Variants in SDF2 observed in about 807,000 individuals in gnomAD.
The protein encoded by SDF2 is stromal cell derived factor 2.
In SDF2, 12 loss-of-function variants were observed where a neutral mutation model predicts 20.5. The observed-to-expected ratio is 0.58, with a 90% CI of 0.37 to 0.95. SDF2 has a LOEUF of 0.95. SDF2 is among the 40% of genes least tolerant of loss of function. SDF2 has a pLI of 0.01. For missense variants in SDF2, 238 were observed against 263.1 expected, an observed-to-expected ratio of 0.90 and a Z score of 0.66; for synonymous variants, 100 against 101.0, an observed-to-expected ratio of 0.99 and a Z score of 0.06.
intron 1 of SDF2, chr17:28,655,846 G>A (rs1408179773): frequency 1.5e-5 from 4 of 261,638 alleles, no homozygotes; most frequent in African/African-American, 8.8e-5. Flanking sequence ...AGAAACCAGA[G>A]ACATGGCTAA....
In SDF2 at chr17:28,648,890, T is replaced by C. The variant is rs928708178; in HGVS notation, c.*99A>G. ...GTATATCTTCATCTCAATGGTGACA[T>C]GGCCACTGCCCAAGGAACTTGTGGC... On this transcript the variant is annotated 3_prime_UTR_variant, in exon 3 of 3. Transcript: ENST00000247020. 5 of 1,211,076 alleles carry C rather than the reference T, an allele frequency of 4.1e-6. No individual in the cohort carries two copies. Among genetic ancestry groups the C allele is most frequent in the African/African-American group, 1.5e-5 (1 of 67,018 alleles). The allele number at this position is 1,211,076 out of a possible 1,614,324, so 75.0% of individuals were successfully genotyped here.
At chr17:28,652,379 C>T (rs181580186) in intron 2 of SDF2, among the ~76,000 whole-genome samples, 339 of 152,102 alleles carry the variant, frequency 2.2e-3, no homozygotes, top group Non-Finnish European at 3.6e-3. Flanking sequence ...GGTGCAATCT[C>T]GGCTCACTGC....
intron 1 of SDF2, chr17:28,655,870 T>G (rs1293719267): frequency 7.9e-5 from 16 of 201,692 alleles, no homozygotes; most frequent in Non-Finnish European, 1.2e-4. Flanking sequence ...TTTGTAAAAC[T>G]GATAGACAAG....
In SDF2 at chr17:28,661,721, A is replaced by G; in HGVS notation, c.151+5T>C. Reference sequence around the variant, plus strand: ...AGCCCACCCGAGCCCGGTCCCCAGCATTACCTGACCCATAGCGCACGTCGT... The same window carrying G: ...AGCCCACCCGAGCCCGGTCCCCAGCGTTACCTGACCCATAGCGCACGTCGT... On this transcript the variant is annotated splice_donor_5th_base_variant and intron_variant, in intron 1 of 2. Transcript: ENST00000247020. 1.2e-6 allele frequency: 2 copies of G among 1,610,946 alleles called. No individual in the cohort carries two copies. The highest frequency in any genetic ancestry group is 2.2e-5 in the East Asian group (1 of 44,768).
intron 2 of SDF2, 115 bp downstream of exon 2, chr17:28,655,172 G>A: frequency 1.0e-6 from 1 of 983,778 alleles, no homozygotes; most frequent in Non-Finnish European, 1.6e-6. Context: ...ATTTCCCCAG[G>A]TCTGCACAAA....
At position 28,648,832 on chromosome 17, in the gene SDF2, T is replaced by C. The variant is rs778926062; in HGVS notation, c.*157A>G. On this transcript the variant is annotated 3_prime_UTR_variant, in exon 3 of 3. Coordinates refer to ENST00000247020, the MANE Select transcript of SDF2 (RefSeq NM_006923.4). ...AGTGACTAGTTCAAATGTGCAGGGC[T>C]GAAGCTTCCAAACACAGCCACTATT... 5 of 732,112 alleles carry C rather than the reference T, an allele frequency of 6.8e-6. No individual in the cohort carries two copies. Among genetic ancestry groups the C allele is most frequent in the Non-Finnish European group, 9.0e-6 (4 of 446,846 alleles). 45.4% of individuals were successfully genotyped at this position (732,112 alleles called of 1,614,324 possible).
chr17:28,660,554 G>A (rs1184520270), intron 1 of SDF2: 2 of 152,322 alleles, frequency 1.3e-5, no homozygotes, highest in Non-Finnish European at 2.9e-5. Flanking sequence ...TAAACCTACA[G>A]ATTGCTACTG....
At chr17:28,649,361 C>A in intron 2 of SDF2, 85 bp from the exon 3 acceptor site, 1 of 1,312,314 alleles carries the variant, frequency 7.6e-7, no homozygotes, top group Non-Finnish European at 1.1e-6. Context: ...AAAAGAAGGC[C>A]ACCTTGAAGT....
rs563782937 is a variant in SDF2 at position 28,653,840 on chromosome 17, G to A, written c.348+1447C>T. Among the ~76,000 whole-genome samples the A allele has an allele frequency of 4.0e-5, 6 of 151,696 alleles. No individual in the cohort carries two copies. The South Asian group carries it at 1.3e-3, about 32-fold the overall frequency. On this transcript the variant is annotated intron_variant, in intron 2 of 2. Coordinates refer to ENST00000247020, the MANE Select transcript of SDF2 (RefSeq NM_006923.4). The stretch of plus-strand genomic sequence containing the variant: ...ACAAAACAAAACAAAACAAAACAAG[G>A]GAATCAGAAAAAAACTATGGTCTTT...
rs543398979 is a variant in SDF2, at chr17:28,661,354, C to T, written c.151+372G>A. 16 of 344,338 alleles carry T rather than the reference C, an allele frequency of 4.6e-5. 1 individual carries two copies. The East Asian group carries it at 1.2e-3, about 25-fold the overall frequency. 21.3% of individuals were successfully genotyped at this position (344,338 alleles called of 1,614,324 possible). A position where few individuals can be genotyped will look rare whatever the true frequency, so the allele number is the denominator to read the frequency against. On this transcript the variant is annotated intron_variant, in intron 1 of 2. Coordinates refer to ENST00000247020, the MANE Select transcript of SDF2 (RefSeq NM_006923.4). ...TCTTGTCTCTAAAGCAGGCTTTGAA[C>T]CTGGATAGATTTGGATAGAACCCCG...
At chr17:28,661,545 T>C (rs1336404995) in intron 1 of SDF2, among the ~76,000 whole-genome samples, 181 bp downstream of exon 1, 1 of 152,162 alleles carries the variant, frequency 6.6e-6, no homozygotes, top group Non-Finnish European at 1.5e-5. Flanking sequence ...CACCAAATAT[T>C]AGGTGGTGTT....
chr17:28,662,089 C>T (rs1466942040), upstream of SDF2: 1 of 480,964 alleles, frequency 2.1e-6, no homozygotes, highest in Non-Finnish European at 3.6e-6. Context: ...AGCTGCCTTC[C>T]TGAGCCGCTT....
In SDF2 at chr17:28,661,834, C is replaced by A; in HGVS notation, c.43G>T (p.Ala15Ser). ...PLLLLGGLWS[A>S]VGASSLGVVT... ...ACACCCAGGCTGGACGCTCCCACAG[C>A]GCTCCACAAACCCCCCAACAACAGC... Residue 15 changes from alanine (A) to serine (S), a missense_variant, in exon 1 of 3, where the codon GCT becomes TCT. Coordinates refer to ENST00000247020, the MANE Select transcript of SDF2 (RefSeq NM_006923.4). The A allele has an allele frequency of 6.2e-7, 1 of 1,614,082 alleles. No homozygotes were observed.
chr17:28,661,695 T>G (rs1263885915), intron 1 of SDF2, 31 bp downstream of exon 1: 4 of 1,601,344 alleles, frequency 2.5e-6, no homozygotes, highest in Non-Finnish European at 3.4e-6. Flanking sequence ...GAGTCCTCCC[T>G]AGCCCACCCG....
In SDF2 at chr17:28,652,947, A is replaced by G. The variant is rs541091184; in HGVS notation, c.348+2340T>C. On this transcript the variant is annotated intron_variant, in intron 2 of 2. Transcript: ENST00000247020. ...CAAAATATAGTAGCATTAGATTATA[A>G]CGAAGTATAAACTATCCATAAGTTT... Among the ~76,000 whole-genome samples the G allele has an allele frequency of 9.2e-5, 14 of 152,348 alleles. 1 individual carries two copies. The South Asian group carries it at 2.9e-3, about 32-fold the overall frequency.
At position 28,648,948 on chromosome 17, in the gene SDF2, T is replaced by C; in HGVS notation, c.*41A>G. On this transcript the variant is annotated 3_prime_UTR_variant, in exon 3 of 3. Transcript: ENST00000247020. ...CCAAGGTGAGGCAGCAACAGATGTC[T>C]GTGAACATTGTGCGTTAACAGTGGC... The C allele has an allele frequency of 6.2e-7, 1 of 1,600,414 alleles. No individual in the cohort carries two copies.
In SDF2 at chr17:28,655,264, C is replaced by T; in HGVS notation, c.348+23G>A. Reference sequence around the variant, plus strand: ...CCCACTGAGTAATGCAGAGCAGCAACAATCCATCGAAAGCCACCTCACCTG... The same window carrying T: ...CCCACTGAGTAATGCAGAGCAGCAATAATCCATCGAAAGCCACCTCACCTG... On this transcript the variant is annotated intron_variant, in intron 2 of 2. Coordinates refer to ENST00000247020, the MANE Select transcript of SDF2 (RefSeq NM_006923.4). The T allele has an allele frequency of 2.5e-6, 4 of 1,610,436 alleles. 1 individual carries two copies. The highest frequency in any genetic ancestry group is 8.5e-7 in the Non-Finnish European group (1 of 1,177,358).
chr17:28,659,448 T>C (rs2072001083), intron 1 of SDF2, among the ~76,000 whole-genome samples: 1 of 106,448 alleles, frequency 9.4e-6, no homozygotes, highest in Admixed American at 1.0e-4. Context: ...GGCGGCCAGG[T>C]GCTCCCCACT....
chr17:28,661,664 C>T lies in SDF2; in HGVS notation c.151+62G>A, dbSNP rs552231259. 5.9e-5 allele frequency: 92 copies of T among 1,556,598 alleles called. 2 individuals carry two copies. In the South Asian group the frequency reaches 9.7e-4, roughly 16 times the overall value. On this transcript the variant is annotated intron_variant, in intron 1 of 2. Coordinates refer to ENST00000247020, the MANE Select transcript of SDF2 (RefSeq NM_006923.4). Reference sequence around the variant, plus strand: ...ACCACACTGTCAGATATTCTATAGGCCCCGCCCCTCCAGAGCCTCCGAGTC... The same window carrying T: ...ACCACACTGTCAGATATTCTATAGGTCCCGCCCCTCCAGAGCCTCCGAGTC...
Sources: allele counts gnomAD v4.1 joint callset (sites outside exome capture counted in the v4.1 genomes callset), GRCh38; gene constraint gnomAD v4.1.1; transcripts MANE v1.5; gene names NCBI Gene and HGNC (gene_info 2026-07-23, HGNC 2026-07-21).